The following PITPNC1 variants were observed in gnomAD, a reference collection of about 807,000 sequenced individuals.
PITPNC1 encodes phosphatidylinositol transfer protein cytoplasmic 1, also known as cytoplasmic phosphatidylinositol transfer protein 1.
PITPNC1 carries 18 observed loss-of-function variants against 44.7 expected under a neutral mutation model. The ratio of observed to expected loss-of-function variants is 0.40; its 90% CI spans 0.28 to 0.60. The LOEUF (loss-of-function observed/expected upper bound fraction) is 0.60. Among genes scored for constraint, PITPNC1 ranks in the 20% least tolerant of loss-of-function variants. The probability of loss-of-function intolerance (pLI) is 0.39; values close to 1 mark genes in which losing one functional copy is unlikely to be tolerated. For missense variants in PITPNC1, 290 were observed against 418.4 expected (o/e 0.69, Z 2.68); for synonymous variants, 141 against 149.6 (o/e 0.94, Z 0.42).
intron 1 of PITPNC1, among the ~76,000 whole-genome samples, chr17:67,507,743 G>A (rs1347291787): frequency 4.0e-5 from 6 of 151,390 alleles, no homozygotes; most frequent in African/African-American, 1.5e-4. Flanking sequence ...TGGGAGACCA[G>A]GGGCAGGAGA....
At chr17:67,389,540 C>G (rs958863707) in intron 1 of PITPNC1, among the ~76,000 whole-genome samples, 1 of 152,132 alleles carries the variant, frequency 6.6e-6, no homozygotes, top group Non-Finnish European at 1.5e-5. Context: ...GCTCCTAGGC[C>G]AGAGGACACT....
intron 1 of PITPNC1, among the ~76,000 whole-genome samples, chr17:67,392,756 A>G (rs2038156691): frequency 6.6e-6 from 1 of 152,204 alleles, no homozygotes; most frequent in African/African-American, 2.4e-5. Context: ...AACTATTTGA[A>G]GAGGACTGCA....
At chr17:67,570,126 C>A (rs1054021781) in intron 4 of PITPNC1, among the ~76,000 whole-genome samples, 2 of 152,168 alleles carry the variant, frequency 1.3e-5, no homozygotes, top group Admixed American at 1.3e-4. Flanking sequence ...CTTCTTTGAG[C>A]CTTGGTTTTG....
At chr17:67,421,212 C>T (rs1216022272) in intron 1 of PITPNC1, among the ~76,000 whole-genome samples, 2 of 152,190 alleles carry the variant, frequency 1.3e-5, no homozygotes, top group African/African-American at 2.4e-5. Context: ...TTCACACATA[C>T]AGCTCATATA....
At chr17:67,541,373 A>G (rs1018254149) in intron 2 of PITPNC1, among the ~76,000 whole-genome samples, 28 of 152,204 alleles carry the variant, frequency 1.8e-4, no homozygotes, top group African/African-American at 6.0e-4. Flanking sequence ...TACAAATTAT[A>G]TAAGTATGGG....
intron 1 of PITPNC1, among the ~76,000 whole-genome samples, chr17:67,507,538 A>C (rs1479059263): frequency 6.6e-6 from 1 of 151,836 alleles, no homozygotes. Context: ...TACAAAAATT[A>C]GCCAGGCGTG....
At chr17:67,514,807 C>CA (rs2040236985) in intron 1 of PITPNC1, among the ~76,000 whole-genome samples, 2 of 152,124 alleles carry the variant, frequency 1.3e-5, no homozygotes, top group East Asian at 3.9e-4. Context: ...GCCTGGGTGA[C>CA]AGAGCAAGAC....
intron 1 of PITPNC1, among the ~76,000 whole-genome samples, chr17:67,437,637 A>G (rs539301417): frequency 6.6e-6 from 1 of 152,156 alleles, no homozygotes; most frequent in African/African-American, 2.4e-5. Flanking sequence ...CAGGCATGAG[A>G]GAGGCCTCAT....
intron 1 of PITPNC1, among the ~76,000 whole-genome samples, chr17:67,418,351 C>A (rs2038616341): frequency 6.6e-6 from 1 of 152,106 alleles, no homozygotes; most frequent in Non-Finnish European, 1.5e-5. Context: ...TCTAACTTTG[C>A]TTAGTAAGTA....
intron 1 of PITPNC1, among the ~76,000 whole-genome samples, chr17:67,380,933 C>G (rs962040713): frequency 2.6e-5 from 4 of 152,082 alleles, no homozygotes; most frequent in African/African-American, 9.7e-5. Context: ...GCTGCCAACC[C>G]GGCTAATTTT....
chr17:67,671,667 C>T (rs757303320), intron 7 of PITPNC1, among the ~76,000 whole-genome samples: 38 of 152,112 alleles, frequency 2.5e-4, no homozygotes, highest in African/African-American at 3.4e-4. Flanking sequence ...ACTCCTTTCC[C>T]GTGCTCCAGA....
chr17:67,620,825 C>T (rs565521360), intron 5 of PITPNC1, among the ~76,000 whole-genome samples: 80 of 152,276 alleles, frequency 5.3e-4, no homozygotes, highest in African/African-American at 1.6e-3. Context: ...TAAATAAAAG[C>T]AGTTTACCTC....
At chr17:67,581,319 GA>G (rs747393287) in intron 5 of PITPNC1, among the ~76,000 whole-genome samples, 6 of 152,222 alleles carry the variant, frequency 3.9e-5, no homozygotes, top group Non-Finnish European at 5.9e-5. Flanking sequence ...GGCTGCAAGA[GA>G]AGCACCTATC....
chr17:67,683,977 C>CAAAAAA (rs79101364), intron 8 of PITPNC1, among the ~76,000 whole-genome samples: 1 of 61,614 alleles, frequency 1.6e-5, no homozygotes. Flanking sequence ...GACTCTGTCT[C>CAAAAAA]AAAAAAAAAA....
intron 4 of PITPNC1, among the ~76,000 whole-genome samples, chr17:67,566,637 G>C (rs762713602): frequency 6.6e-6 from 1 of 152,214 alleles, no homozygotes; most frequent in East Asian, 1.9e-4. Flanking sequence ...ATGAATTTCT[G>C]AAATGAATAA....
intron 2 of PITPNC1, among the ~76,000 whole-genome samples, chr17:67,545,628 T>C (rs1261345834): frequency 6.6e-6 from 1 of 152,208 alleles, no homozygotes; most frequent in Non-Finnish European, 1.5e-5. Flanking sequence ...CATTTATTTT[T>C]ATTTTTTTAC....
intron 5 of PITPNC1, among the ~76,000 whole-genome samples, chr17:67,608,491 CTTTT>C (rs143100082): frequency 7.5e-6 from 1 of 133,008 alleles, no homozygotes; most frequent in Non-Finnish European, 1.6e-5. Flanking sequence ...TGTTTCTCAG[CTTTT>C]TTTTTTTTTT....
chr17:67,497,041 G>A (rs957526176), intron 1 of PITPNC1, among the ~76,000 whole-genome samples: 26 of 152,000 alleles, frequency 1.7e-4, no homozygotes, highest in Non-Finnish European at 1.5e-5. Flanking sequence ...TGGGAGGATC[G>A]TTTGAACCCA....
chr17:67,641,783 AAATAATAATAATAATAAT>A (rs151024440), intron 6 of PITPNC1, among the ~76,000 whole-genome samples: 3 of 135,918 alleles, frequency 2.2e-5, no homozygotes, highest in African/African-American at 5.5e-5. Flanking sequence ...CCCTACCTCA[AAATAATAATAATAATAAT>A]AATAATAATA....
Sources: allele counts gnomAD v4.1 joint callset (sites outside exome capture counted in the v4.1 genomes callset), GRCh38; gene constraint gnomAD v4.1.1; transcripts MANE v1.5; gene names NCBI Gene and HGNC (gene_info 2026-07-23, HGNC 2026-07-21).